Variants in UGGT2 observed in about 807,000 individuals in gnomAD.
The protein encoded by UGGT2 is UDP-glucose:glycoprotein glucosyltransferase 2.
In UGGT2, 180 loss-of-function variants were observed where a neutral mutation model predicts 192.1. That is an observed-to-expected ratio of 0.94 (90% CI 0.83 to 1.06). The LOEUF (loss-of-function observed/expected upper bound fraction) is 1.06. Ranked by LOEUF, UGGT2 falls within the 50% of genes least tolerant of loss-of-function variation. The pLI, the probability that UGGT2 is intolerant of heterozygous loss-of-function variation, is 0.00. For missense variants in UGGT2, 1,849 were observed against 1,795.7 expected, an observed-to-expected ratio of 1.03 and a Z score of -0.54; for synonymous variants, 580 against 591.0, an observed-to-expected ratio of 0.98 and a Z score of 0.27.
At chr13:95,804,099 T>C (rs200770730) in intron 38 of UGGT2, among the ~76,000 whole-genome samples, 1 of 151,900 alleles carries the variant, frequency 6.6e-6, no homozygotes, top group Non-Finnish European at 1.5e-5. Flanking sequence ...ATAGAAAGAT[T>C]GAAGATAATG....
At chr13:95,967,254 C>T (rs1402491683) in intron 12 of UGGT2, among the ~76,000 whole-genome samples, 1 of 151,184 alleles carries the variant, frequency 6.6e-6, no homozygotes, top group Non-Finnish European at 1.5e-5. Flanking sequence ...CAAGGTCCAA[C>T]GTATTCTCCT....
chr13:95,843,825 T>A (rs1014613781), intron 36 of UGGT2, among the ~76,000 whole-genome samples: 1 of 152,174 alleles, frequency 6.6e-6, no homozygotes, highest in African/African-American at 2.4e-5. Context: ...ATGGATCAAA[T>A]TGTCTATCTT....
At chr13:96,039,747 T>C (rs1036635647) in intron 1 of UGGT2, among the ~76,000 whole-genome samples, 6 of 152,202 alleles carry the variant, frequency 3.9e-5, no homozygotes, top group Non-Finnish European at 8.8e-5. Flanking sequence ...CATATCCAAG[T>C]TCACCAGTTT....
intron 1 of UGGT2, among the ~76,000 whole-genome samples, chr13:96,047,249 C>G (rs574876979): frequency 6.6e-6 from 1 of 152,138 alleles, no homozygotes; most frequent in African/African-American, 2.4e-5. Context: ...CTCATACAGC[C>G]GGGTGCCCCT....
intron 2 of UGGT2, among the ~76,000 whole-genome samples, chr13:96,027,915 C>A (rs2052716743): frequency 6.6e-6 from 1 of 152,180 alleles, no homozygotes; most frequent in African/African-American, 2.4e-5. Context: ...TAACAGCAAT[C>A]ACTTACAACT....
At chr13:95,874,012 T>TCG (rs1388792938) in intron 29 of UGGT2, among the ~76,000 whole-genome samples, 2 of 152,184 alleles carry the variant, frequency 1.3e-5, no homozygotes, top group Non-Finnish European at 1.5e-5. Context: ...CTTTCATTCT[T>TCG]CATTAGGGCA....
chr13:95,947,391 C>T (rs945482911), intron 14 of UGGT2, among the ~76,000 whole-genome samples: 13 of 152,024 alleles, frequency 8.6e-5, no homozygotes, highest in Non-Finnish European at 1.9e-4. Context: ...CTCTCTCCCT[C>T]TAGTGCTAAC....
chr13:95,931,974 A>G (rs2049296040), intron 17 of UGGT2, among the ~76,000 whole-genome samples: 1 of 152,232 alleles, frequency 6.6e-6, no homozygotes, highest in Non-Finnish European at 1.5e-5. Flanking sequence ...AAGGGCCACC[A>G]GCACATTGTC....
At chr13:96,048,889 A>C (rs2053400951) in intron 1 of UGGT2, among the ~76,000 whole-genome samples, 1 of 152,208 alleles carries the variant, frequency 6.6e-6, no homozygotes, top group African/African-American at 2.4e-5. Context: ...TCACAGCCAA[A>C]TTGTACCAAA....
chr13:96,036,419 G>A (rs1291281159), intron 1 of UGGT2, among the ~76,000 whole-genome samples: 2 of 152,114 alleles, frequency 1.3e-5, no homozygotes, highest in South Asian at 2.1e-4. Context: ...GCAAGGGGAC[G>A]GAGAGCACCA....
chr13:95,905,278 T>A (rs1178003978), intron 20 of UGGT2, among the ~76,000 whole-genome samples: 1 of 148,616 alleles, frequency 6.7e-6, no homozygotes, highest in Non-Finnish European at 1.5e-5. Context: ...TTTCTTTTGC[T>A]GTGCAGAAGC....
At chr13:95,820,935 T>C (rs1198926568) in intron 38 of UGGT2, among the ~76,000 whole-genome samples, 1 of 152,154 alleles carries the variant, frequency 6.6e-6, no homozygotes, top group African/African-American at 2.4e-5. Context: ...TGTTCCTTAC[T>C]AGTATTTTCA....
rs1484839539 is a variant in UGGT2, at chr13:95,884,505, T to C, written c.3214A>G (p.Ile1072Val). Reference sequence around the variant, plus strand: ...CAATAACTTACATCCTTTAAGTGAATATTATCAAGGTCACAGTTGCTGTGC... The same window carrying C: ...CAATAACTTACATCCTTTAAGTGAACATTATCAAGGTCACAGTTGCTGTGC... ...TVHSNCDLDN[I>V]HLKDTEKTVT... is the part of the protein sequence containing the mutation. The change falls in exon 27 of 39, where the codon ATT becomes GTT. Residue 1072 changes from isoleucine to valine, a missense_variant. Transcript: ENST00000376747. 4.3e-6 allele frequency: 7 copies of C among 1,610,956 alleles called. No individual in the cohort carries two copies. The highest frequency in any genetic ancestry group is 5.9e-6 in the Non-Finnish European group (7 of 1,178,936).
At chr13:96,006,322 T>C (rs1448683435) in intron 5 of UGGT2, among the ~76,000 whole-genome samples, 1 of 152,118 alleles carries the variant, frequency 6.6e-6, no homozygotes, top group Non-Finnish European at 1.5e-5. Flanking sequence ...AAACTTGATA[T>C]AGCCAAAGAA....
intron 27 of UGGT2, among the ~76,000 whole-genome samples, chr13:95,883,604 A>G (rs937492188): frequency 6.6e-6 from 1 of 150,842 alleles, no homozygotes; most frequent in Non-Finnish European, 1.5e-5. Context: ...AGTGTGTGGC[A>G]CTCCCCTCAC....
At chr13:95,853,333 G>A (rs569890305) in intron 36 of UGGT2, among the ~76,000 whole-genome samples, 64 of 152,238 alleles carry the variant, frequency 4.2e-4, no homozygotes, top group African/African-American at 1.4e-3. Context: ...GTTTGAGAAT[G>A]GAAAAGTGAG....
intron 12 of UGGT2, among the ~76,000 whole-genome samples, chr13:95,951,755 T>C (rs573517992): frequency 6.6e-6 from 1 of 152,190 alleles, no homozygotes; most frequent in African/African-American, 2.4e-5. Flanking sequence ...ATAAGCCAGC[T>C]TGGGGTTCAT....
chr13:96,049,472 T>C (rs2053420943), intron 1 of UGGT2, among the ~76,000 whole-genome samples: 1 of 152,228 alleles, frequency 6.6e-6, no homozygotes, highest in South Asian at 2.1e-4. Context: ...TTGGAAGTTC[T>C]GGCCAGGGCA....
chr13:96,016,513 G>A (rs1289057793), intron 4 of UGGT2, among the ~76,000 whole-genome samples: 1 of 152,188 alleles, frequency 6.6e-6, no homozygotes, highest in East Asian at 1.9e-4. Flanking sequence ...TAAAGCTCAG[G>A]TCACAGCTCC....
Sources: gnomAD v4.1 joint callset for allele counts (sites outside exome capture counted in the v4.1 genomes callset) on GRCh38, gnomAD v4.1.1 for gene constraint, MANE v1.5 for transcripts, NCBI Gene and HGNC (gene_info 2026-07-23, HGNC 2026-07-21) for gene names.